The following PVALEF variants were observed in gnomAD, a reference collection of about 807,000 sequenced individuals.
The protein encoded by PVALEF is parvalbumin-like EF-hand-containing protein.
A neutral mutation model predicts 1.2 loss-of-function variants in PVALEF; 2 were observed. The observed-to-expected ratio is 1.68, with a 90% CI of 0.69 to 5.28. The LOEUF is 5.28. Ranked by LOEUF, PVALEF falls within the 30% of genes most tolerant of loss-of-function variation. The pLI is 0.06. For missense variants in PVALEF, 35 were observed against 17.7 expected (o/e 1.97, Z -1.75); for synonymous variants, 16 against 6.5 (o/e 2.47, Z -2.24).
chr17:81,172,785 A>G (rs546695861), intron 2 of PVALEF, among the ~76,000 whole-genome samples: 1 of 152,030 alleles, frequency 6.6e-6, no homozygotes, highest in South Asian at 2.1e-4. Flanking sequence ...AAACAAAACA[A>G]AAAGTTGCTG....
chr17:81,170,505 G>A (rs566756836), intron 2 of PVALEF, among the ~76,000 whole-genome samples: 1 of 152,032 alleles, frequency 6.6e-6, no homozygotes, highest in African/African-American at 2.4e-5. Flanking sequence ...CAGGTATCAG[G>A]GTCAGGACTT....
intron 3 of PVALEF, among the ~76,000 whole-genome samples, chr17:81,179,446 G>A (rs139748079): frequency 3.9e-4 from 59 of 152,348 alleles, no homozygotes; most frequent in Middle Eastern, 3.4e-3. Context: ...CTGTGGGCAC[G>A]GCTACAAGAG....
At chr17:81,179,611 G>A (rs965987338) in intron 3 of PVALEF, among the ~76,000 whole-genome samples, 33 of 152,262 alleles carry the variant, frequency 2.2e-4, no homozygotes, top group African/African-American at 7.0e-4. Context: ...ACACAGAGCC[G>A]GCTCTGGTCC....
At position 81,165,535 on chromosome 17, in the gene PVALEF, C is replaced by T. The variant is rs765100720; in HGVS notation, c.-720C>T. 5.8e-6 allele frequency: 5 copies of T among 867,522 alleles called. No individual in the cohort carries two copies. The South Asian group carries it at 7.3e-5, about 13-fold the overall frequency. The allele number at this position is 867,522 out of a possible 1,614,324, so 53.7% of individuals were successfully genotyped here. A position where few individuals can be genotyped will look rare whatever the true frequency, so the allele number is the denominator to read the frequency against. ...TCGCTCCCAGCCTGGGAAGAAGCCT[C>T]CCACGCCAGGGCCCCGGACCCAGGA... On this transcript the variant is annotated 5_prime_UTR_variant, in exon 1 of 7. Coordinates refer to ENST00000637878, the MANE Select transcript of PVALEF (RefSeq NM_001354639.2).
At chr17:81,180,854 G>A (rs2061551193) in intron 3 of PVALEF, among the ~76,000 whole-genome samples, 1 of 152,222 alleles carries the variant, frequency 6.6e-6, no homozygotes, top group South Asian at 2.1e-4. Context: ...CTTTCACGAG[G>A]GCCAAGAAGC....
intron 6 of PVALEF, 72 bp downstream of exon 6, chr17:81,182,153 C>T (rs777594257): frequency 2.5e-6 from 1 of 398,334 alleles, no homozygotes; most frequent in African/African-American, 2.1e-5. Context: ...TGCCCATGGC[C>T]CCGCCCCGAG....
intron 3 of PVALEF, among the ~76,000 whole-genome samples, chr17:81,179,438 G>A (rs939543278): frequency 2.0e-5 from 3 of 152,252 alleles, no homozygotes; most frequent in Non-Finnish European, 2.9e-5. Context: ...ACGAGCCTCT[G>A]TGGGCACGGC....
intron 3 of PVALEF, among the ~76,000 whole-genome samples, chr17:81,180,228 T>C (rs567319512): frequency 1.4e-4 from 21 of 152,246 alleles, no homozygotes; most frequent in African/African-American, 5.1e-4. Context: ...AGATGGGACA[T>C]TGGTTCCTGG....
chr17:81,179,333 C>T (rs2061545843), intron 3 of PVALEF, among the ~76,000 whole-genome samples, 181 bp downstream of exon 3: 1 of 152,210 alleles, frequency 6.6e-6, no homozygotes, highest in South Asian at 2.1e-4. Flanking sequence ...TCCCTGCCAG[C>T]AGCACCACTA....
chr17:81,174,620 A>C (rs1242068214), intron 2 of PVALEF, among the ~76,000 whole-genome samples: 2 of 147,770 alleles, frequency 1.4e-5, no homozygotes, highest in African/African-American at 5.1e-5. Flanking sequence ...ACAGAGCAAG[A>C]CTCCACCTCA....
At chr17:81,168,971 A>G (rs1371009143) in intron 2 of PVALEF, among the ~76,000 whole-genome samples, 2 of 152,258 alleles carry the variant, frequency 1.3e-5, no homozygotes, top group Non-Finnish European at 2.9e-5. Flanking sequence ...TGACCACACT[A>G]TAACATGCAT....
intron 2 of PVALEF, among the ~76,000 whole-genome samples, chr17:81,171,516 G>A (rs1440827244): frequency 6.6e-6 from 1 of 151,888 alleles, no homozygotes; most frequent in Non-Finnish European, 1.5e-5. Flanking sequence ...TTTTGAGATG[G>A]AGTCTCACTC....
chr17:81,180,850 C>T (rs111903239), intron 3 of PVALEF, among the ~76,000 whole-genome samples: 16 of 152,146 alleles, frequency 1.1e-4, no homozygotes, highest in Non-Finnish European at 2.2e-4. Context: ...TGAACTTTCA[C>T]GAGGGCCAAG....
At chr17:81,174,021 C>G (rs926339158) in intron 2 of PVALEF, among the ~76,000 whole-genome samples, 1 of 152,192 alleles carries the variant, frequency 6.6e-6, no homozygotes, top group Admixed American at 6.5e-5. Context: ...GTGTGATACA[C>G]CACATTCTCA....
At position 81,165,682 on chromosome 17, in the gene PVALEF, C is replaced by G; in HGVS notation, c.-573C>G. ...CGCAGGCCCTCCGTGCCCCAGTTAC[C>G]TGTGCCCTGGAGGCAGCCACGGAGT... On this transcript the variant is annotated 5_prime_UTR_variant, in exon 1 of 7. Transcript: ENST00000637878. The G allele has an allele frequency of 1.3e-6, 2 of 1,513,206 alleles. No individual in the cohort carries two copies. The highest frequency in any genetic ancestry group is 2.4e-5 in the South Asian group (2 of 82,992). The allele number at this position is 1,513,206 out of a possible 1,614,324, so 93.7% of individuals were successfully genotyped here. A position where few individuals can be genotyped will look rare whatever the true frequency, so the allele number is the denominator to read the frequency against.
chr17:81,178,949 G>T lies in PVALEF; in HGVS notation c.-308G>T. 3.2e-6 allele frequency: 1 copy of T among 317,398 alleles called. No individual in the cohort carries two copies. The highest frequency in any genetic ancestry group is 6.6e-6 in the Non-Finnish European group (1 of 151,702). The allele number at this position is 317,398 out of a possible 1,614,324, so 19.7% of individuals were successfully genotyped here. On this transcript the variant is annotated 5_prime_UTR_variant, in exon 3 of 7. Transcript: ENST00000637878. ...GGAGGCCAGGCACTGCTAAGGGTCAGTCTGCCCAGACCAGTGTGGACACAC... is the reference window on the plus strand; with the variant it reads ...GGAGGCCAGGCACTGCTAAGGGTCATTCTGCCCAGACCAGTGTGGACACAC...
At chr17:81,174,450 G>A (rs1036627868) in intron 2 of PVALEF, among the ~76,000 whole-genome samples, 69 of 151,666 alleles carry the variant, frequency 4.5e-4, no homozygotes, top group Non-Finnish European at 5.4e-4. Flanking sequence ...CCAACATGGT[G>A]AAACCCCATC....
chr17:81,167,670 C>T (rs938264450), intron 2 of PVALEF, among the ~76,000 whole-genome samples: 1 of 152,212 alleles, frequency 6.6e-6, no homozygotes, highest in Non-Finnish European at 1.5e-5. Flanking sequence ...GCCCTCAGAC[C>T]TTAGGGGTCC....
At chr17:81,165,859 G>A in intron 1 of PVALEF, 112 bp downstream of exon 1, 2 of 1,533,440 alleles carry the variant, frequency 1.3e-6, no homozygotes, top group African/African-American at 1.4e-5. Flanking sequence ...CATGCAAACC[G>A]GGAGCCGTGG....
Sources: gnomAD v4.1 joint callset for allele counts (sites outside exome capture counted in the v4.1 genomes callset) on GRCh38, gnomAD v4.1.1 for gene constraint, MANE v1.5 for transcripts, NCBI Gene and HGNC (gene_info 2026-07-23, HGNC 2026-07-21) for gene names.